The following PTCHD4 variants were observed in gnomAD, a reference collection of about 807,000 sequenced individuals.
PTCHD4 encodes the protein patched domain-containing protein 4.
A neutral mutation model predicts 58.1 loss-of-function variants in PTCHD4; 33 were observed. The ratio of observed to expected loss-of-function variants is 0.57; its 90% confidence interval spans 0.43 to 0.76. PTCHD4 has a LOEUF of 0.76. Ranked by LOEUF, PTCHD4 falls within the 30% of genes least tolerant of loss-of-function variation. The pLI is 0.00. For synonymous variants in PTCHD4, 478 were observed against 409.6 expected (o/e 1.17, Z -2.02); for missense variants, 1,058 against 1,027.1 (o/e 1.03, Z -0.41).
rs554748262 is a variant in PTCHD4 at position 47,866,831 on chromosome 6, G to A, written c.*11472C>T. On this transcript the variant is annotated 3_prime_UTR_variant, in exon 5 of 5. Coordinates refer to ENST00000339488, the MANE Select transcript of PTCHD4 (RefSeq NM_001384253.1). ...TATGTGATCTTCAAAGAAAGCATCA[G>A]TGAATCATAAGGAAGTGAATTTAAA... Among the ~76,000 whole-genome samples the A allele has an allele frequency of 6.0e-4, 91 of 151,966 alleles. No homozygotes were observed. The highest frequency in any genetic ancestry group is 2.1e-3 in the African/African-American group (88 of 41,532).
At chr6:48,061,661 T>A (rs185693268) in intron 3 of PTCHD4, among the ~76,000 whole-genome samples, 10 of 152,342 alleles carry the variant, frequency 6.6e-5, no homozygotes, top group Admixed American at 6.5e-4. Context: ...CTCATGCTGC[T>A]GGTCTATACA....
At chr6:47,939,033 CA>C (rs1032894169) in intron 4 of PTCHD4, among the ~76,000 whole-genome samples, 2 of 151,928 alleles carry the variant, frequency 1.3e-5, no homozygotes, top group Admixed American at 6.6e-5. Context: ...CACAAAGTTA[CA>C]GGGGGAAAAT....
intron 3 of PTCHD4, among the ~76,000 whole-genome samples, chr6:48,020,631 G>A (rs1413416418): frequency 6.6e-6 from 1 of 152,080 alleles, no homozygotes; most frequent in Non-Finnish European, 1.5e-5. Flanking sequence ...GGAGGATAAA[G>A]TCTTTTCTTT....
intron 4 of PTCHD4, among the ~76,000 whole-genome samples, chr6:48,003,581 T>A (rs1438827502): frequency 2.6e-5 from 4 of 152,222 alleles, no homozygotes; most frequent in Non-Finnish European, 4.4e-5. Flanking sequence ...AATAACCTGT[T>A]AAATAGTCTC....
chr6:47,921,590 T>C (rs757203925), intron 4 of PTCHD4, among the ~76,000 whole-genome samples: 1 of 152,058 alleles, frequency 6.6e-6, no homozygotes, highest in Non-Finnish European at 1.5e-5. Flanking sequence ...TTCTGGGAAA[T>C]TTCTTTAAGA....
chr6:47,872,732 C>T lies in PTCHD4; in HGVS notation c.*5571G>A, dbSNP rs1763750318. Among the ~76,000 whole-genome samples the T allele has an allele frequency of 6.6e-6, 1 of 151,368 alleles. No homozygotes were observed. The highest frequency in any genetic ancestry group is 1.5e-5 in the Non-Finnish European group (1 of 67,678). ...ACTTTATTATATTAAAAATATCTAC[C>T]TTATAGAGGTTTTCAGTTTAAGGTA... On this transcript the variant is annotated 3_prime_UTR_variant, in exon 5 of 5. Coordinates refer to ENST00000339488, the MANE Select transcript of PTCHD4 (RefSeq NM_001384253.1).
chr6:48,079,970 ATTTTTTTTTTTTT>A (rs141629864), intron 1 of PTCHD4, among the ~76,000 whole-genome samples: 8 of 76,086 alleles, frequency 1.1e-4, no homozygotes, highest in East Asian at 4.2e-4. Flanking sequence ...CCTTATGATG[ATTTTTTTTTTTTT>A]TTTTTTTTTT....
At chr6:47,994,989 G>C (rs1768428067) in intron 4 of PTCHD4, among the ~76,000 whole-genome samples, 1 of 152,138 alleles carries the variant, frequency 6.6e-6, no homozygotes, top group Admixed American at 6.5e-5. Flanking sequence ...GAACAGTAGG[G>C]AAGAACCTCA....
intron 3 of PTCHD4, among the ~76,000 whole-genome samples, chr6:48,029,268 T>C (rs1763355238): frequency 6.6e-6 from 1 of 152,130 alleles, no homozygotes; most frequent in South Asian, 2.1e-4. Flanking sequence ...TAATCAATTC[T>C]AAGCCAAATG....
intron 4 of PTCHD4, among the ~76,000 whole-genome samples, chr6:48,007,478 G>C (rs911679906): frequency 5.9e-5 from 9 of 152,172 alleles, no homozygotes; most frequent in African/African-American, 2.2e-4. Flanking sequence ...ATTCAGAGCT[G>C]ATTTTAACCT....
chr6:48,035,256 T>C (rs970570764), intron 3 of PTCHD4, among the ~76,000 whole-genome samples: 2 of 152,076 alleles, frequency 1.3e-5, no homozygotes, highest in Non-Finnish European at 2.9e-5. Context: ...GACTCTATTA[T>C]TATAAATAAT....
chr6:48,103,319 T>C (rs13206798), intron 1 of PTCHD4, among the ~76,000 whole-genome samples: 53,215 of 152,118 alleles, frequency 0.35, 9,881 homozygotes, highest in African/African-American at 0.49. Flanking sequence ...CTGCAGCTAC[T>C]GCTGCTGATA....
At chr6:47,900,059 A>T (rs1426376046) in intron 4 of PTCHD4, 1 of 152,124 alleles carries the variant, frequency 6.6e-6, no homozygotes, top group Non-Finnish European at 1.5e-5. Context: ...GATTGTGTCT[A>T]CCTTTTGCCA....
At chr6:47,979,876 T>A (rs1030201945) in intron 4 of PTCHD4, among the ~76,000 whole-genome samples, 8 of 152,042 alleles carry the variant, frequency 5.3e-5, no homozygotes, top group Non-Finnish European at 1.0e-4. Context: ...TTCATATAGT[T>A]CTTTTTGCTG....
At chr6:47,969,070 C>T (rs1329340842) in intron 4 of PTCHD4, among the ~76,000 whole-genome samples, 1 of 152,144 alleles carries the variant, frequency 6.6e-6, no homozygotes, top group Admixed American at 6.5e-5. Flanking sequence ...TTCCACTTGA[C>T]ATTGCTAAAA....
chr6:47,967,389 A>G (rs534016295), intron 4 of PTCHD4, among the ~76,000 whole-genome samples: 1 of 152,326 alleles, frequency 6.6e-6, no homozygotes, highest in African/African-American at 2.4e-5. Context: ...GCATGGGCAG[A>G]GTAGATTTAG....
intron 3 of PTCHD4, among the ~76,000 whole-genome samples, chr6:48,032,121 T>C (rs1406667767): frequency 1.3e-5 from 2 of 152,064 alleles, no homozygotes; most frequent in African/African-American, 4.8e-5. Context: ...TGACACATTG[T>C]AGAAAATTTA....
chr6:48,016,271 G>A (rs1762866276), intron 3 of PTCHD4, among the ~76,000 whole-genome samples: 1 of 151,898 alleles, frequency 6.6e-6, no homozygotes, highest in Non-Finnish European at 1.5e-5. Flanking sequence ...AAGGCAGCAG[G>A]GCCTCTTCAG....
chr6:47,971,779 C>A (rs534317885), intron 4 of PTCHD4, among the ~76,000 whole-genome samples: 1 of 152,138 alleles, frequency 6.6e-6, no homozygotes, highest in African/African-American at 2.4e-5. Context: ...AAAGAGGATC[C>A]TCAGAATCAA....
Sources: gnomAD v4.1 joint callset for allele counts (sites outside exome capture counted in the v4.1 genomes callset) on GRCh38, gnomAD v4.1.1 for gene constraint, MANE v1.5 for transcripts, NCBI Gene and HGNC (gene_info 2026-07-23, HGNC 2026-07-21) for gene names.